The following RASSF3 variants were observed in gnomAD, a reference collection of about 807,000 sequenced individuals.
The protein encoded by RASSF3 is Ras association domain family member 3.
Under a neutral mutation model 19.9 loss-of-function variants are expected in RASSF3, and 19 were observed. The ratio of observed to expected loss-of-function variants is 0.96; its 90% CI spans 0.67 to 1.40. The LOEUF is 1.40. Ranked by LOEUF, RASSF3 falls within the 40% of genes most tolerant of loss-of-function variation. The pLI, the probability that RASSF3 is intolerant of heterozygous loss-of-function variation, is 0.00. For missense variants in RASSF3, 306 were observed against 289.8 expected, an observed-to-expected ratio of 1.06 and a Z score of -0.41; for synonymous variants, 110 against 104.2, an observed-to-expected ratio of 1.06 and a Z score of -0.34.
intron 1 of RASSF3, among the ~76,000 whole-genome samples, chr12:64,681,886 TC>T (rs1323837844): frequency 2.0e-5 from 3 of 152,088 alleles, no homozygotes. Context: ...TTGTCTGTAG[TC>T]CCAGCTATTC....
chr12:64,636,062 A>T (rs190730741), intron 1 of RASSF3, among the ~76,000 whole-genome samples: 27 of 152,110 alleles, frequency 1.8e-4, no homozygotes, highest in African/African-American at 6.3e-4. Context: ...GATTGTAATG[A>T]GAGTGGCTCA....
In RASSF3 at chr12:64,684,819, C is replaced by T. The variant is rs1873286496; in HGVS notation, c.144C>T (p.Tyr48=). ...AGAAAGAGAAGGAAACCCACAGTTA[C>T]CTCAGCAAAGAGGAGATCAAAGAGA... ...DVEKEKETHS[Y]LSKEEIKEKV... The change falls in exon 2 of 5, where the codon TAC becomes TAT. Residue 48 remains tyrosine, a synonymous_variant. Coordinates refer to ENST00000542104, the MANE Select transcript of RASSF3 (RefSeq NM_178169.4). 2 of 1,613,062 alleles carry T rather than the reference C, an allele frequency of 1.2e-6. No individual in the cohort carries two copies. Among genetic ancestry groups the T allele is most frequent in the Non-Finnish European group, 1.7e-6 (2 of 1,179,152 alleles).
Position 64,516,519 on chromosome 12 carries a change from TG to T in RASSF3, c.169+9191del, listed in dbSNP as rs557944340. On this transcript the variant is annotated intron_variant, in intron 1 of 5. Coordinates refer to the RASSF3 transcript ENST00000637125. ...CTGTAGTCCCAGCTACTTGGGAGGC[TG>T]AGGCAGGAGAATGGCGTGAACCCGG... Among the ~76,000 whole-genome samples, 7 of 147,310 alleles carry T rather than the reference TG, an allele frequency of 4.8e-5. No homozygotes were observed. The South Asian group carries it at 1.5e-3, about 32-fold the overall frequency.
At chr12:64,535,982 C>T (rs990247972) in intron 1 of RASSF3, among the ~76,000 whole-genome samples, 1 of 148,360 alleles carries the variant, frequency 6.7e-6, no homozygotes, top group Non-Finnish European at 1.5e-5. Context: ...CCACCGCACC[C>T]AGCCTGTTTT....
intron 1 of RASSF3, among the ~76,000 whole-genome samples, chr12:64,632,482 A>G (rs1871199962): frequency 6.6e-6 from 1 of 152,110 alleles, no homozygotes; most frequent in Non-Finnish European, 1.5e-5. Flanking sequence ...GGGTGAAGGT[A>G]ATTAGGGCTA....
At chr12:64,622,904 T>A (rs1456268822) in intron 1 of RASSF3, among the ~76,000 whole-genome samples, 1 of 151,822 alleles carries the variant, frequency 6.6e-6, no homozygotes, top group Non-Finnish European at 1.5e-5. Flanking sequence ...CACTGCAACC[T>A]CCATCTCCTG....
chr12:64,640,206 C>T (rs1871466328), intron 1 of RASSF3, among the ~76,000 whole-genome samples: 1 of 152,088 alleles, frequency 6.6e-6, no homozygotes, highest in Non-Finnish European at 1.5e-5. Flanking sequence ...TTAATATATA[C>T]AGTTTGATGA....
chr12:64,585,820 G>A (rs1462932858), intron 2 of RASSF3, among the ~76,000 whole-genome samples: 1 of 151,866 alleles, frequency 6.6e-6, no homozygotes, highest in Non-Finnish European at 1.5e-5. Flanking sequence ...TGTCCAGGCT[G>A]GTGTCAAACT....
chr12:64,630,867 T>G (rs1272753712), intron 1 of RASSF3, among the ~76,000 whole-genome samples: 6 of 151,894 alleles, frequency 4.0e-5, no homozygotes, highest in African/African-American at 1.5e-4. Flanking sequence ...AGAAGAAAGA[T>G]CAGGTTTAGG....
intron 2 of RASSF3, chr12:64,599,098 T>G (rs1870044688): frequency 1.3e-5 from 2 of 152,198 alleles, no homozygotes; most frequent in East Asian, 3.8e-4. Context: ...GTCTGTTTAT[T>G]CTTCCCAGTT....
At chr12:64,620,449 G>T (rs1870713746) in intron 1 of RASSF3, among the ~76,000 whole-genome samples, 2 of 152,022 alleles carry the variant, frequency 1.3e-5, no homozygotes, top group Non-Finnish European at 2.9e-5. Flanking sequence ...AACTTTTTGC[G>T]ATATATACCC....
intron 1 of RASSF3, among the ~76,000 whole-genome samples, chr12:64,526,844 C>T (rs1868599362): frequency 2.0e-5 from 3 of 152,204 alleles, no homozygotes; most frequent in Admixed American, 2.0e-4. Flanking sequence ...CTGCACCTGG[C>T]CCTGAGTTCA....
Position 64,624,474 on chromosome 12 carries a change from T to G in RASSF3, c.111+13731T>G, listed in dbSNP as rs1405698143. Among the ~76,000 whole-genome samples the G allele has an allele frequency of 2.6e-4, 40 of 151,846 alleles. 1 individual carries two copies. The highest frequency in any genetic ancestry group is 2.6e-3 in the Admixed American group (40 of 15,264). On this transcript the variant is annotated intron_variant, in intron 1 of 4. Coordinates refer to ENST00000542104, the MANE Select transcript of RASSF3 (RefSeq NM_178169.4). ...ACATTTTTAAGAGACAGGGTCTCACTATGTTGCTCAGTTTGGTCTTGAACT... is the reference window on the plus strand; with the variant it reads ...ACATTTTTAAGAGACAGGGTCTCACGATGTTGCTCAGTTTGGTCTTGAACT...
At chr12:64,573,541 T>C (rs1381593517) in intron 2 of RASSF3, among the ~76,000 whole-genome samples, 2 of 152,202 alleles carry the variant, frequency 1.3e-5, no homozygotes, top group African/African-American at 4.8e-5. Flanking sequence ...TTGTTCTACA[T>C]GTTTTACCTC....
At chr12:64,686,091 C>G (rs1873340484) in intron 2 of RASSF3, among the ~76,000 whole-genome samples, 1 of 152,164 alleles carries the variant, frequency 6.6e-6, no homozygotes, top group African/African-American at 2.4e-5. Context: ...GGGAGAGGAG[C>G]AGAGAATCCC....
At chr12:64,547,064 G>A (rs1869075843) in intron 2 of RASSF3, among the ~76,000 whole-genome samples, 1 of 151,952 alleles carries the variant, frequency 6.6e-6, no homozygotes, top group Non-Finnish European at 1.5e-5. Flanking sequence ...CTTGAGCCTG[G>A]GAATTCAAGA....
intron 1 of RASSF3, among the ~76,000 whole-genome samples, chr12:64,538,928 C>T (rs1199986184): frequency 6.6e-6 from 1 of 151,998 alleles, no homozygotes; most frequent in African/African-American, 2.4e-5. Context: ...TGCCTATAAT[C>T]CCTGCTACTC....
At chr12:64,647,311 C>T (rs916979896) in intron 1 of RASSF3, among the ~76,000 whole-genome samples, 6 of 151,850 alleles carry the variant, frequency 4.0e-5, no homozygotes, top group Admixed American at 1.3e-4. Context: ...TGCCGTGGCA[C>T]GATCATGGCT....
chr12:64,639,208 A>G (rs896572643), intron 1 of RASSF3, among the ~76,000 whole-genome samples: 11 of 152,182 alleles, frequency 7.2e-5, no homozygotes, highest in African/African-American at 2.7e-4. Flanking sequence ...TAAATGGAAT[A>G]TACACAATAA....
Sources: gnomAD v4.1 joint callset for allele counts (sites outside exome capture counted in the v4.1 genomes callset) on GRCh38, gnomAD v4.1.1 for gene constraint, MANE v1.5 for transcripts, NCBI Gene and HGNC (gene_info 2026-07-23, HGNC 2026-07-21) for gene names.